SLC4A4: variants seen among roughly 807,000 people sequenced by gnomAD.
The protein encoded by SLC4A4 is electrogenic sodium bicarbonate cotransporter 1.
A neutral mutation model predicts 111.5 loss-of-function variants in SLC4A4; 27 were observed. That is an observed-to-expected ratio of 0.24 (90% CI 0.18 to 0.33). The LOEUF (loss-of-function observed/expected upper bound fraction) is 0.33, where lower values mean the gene tolerates loss of function less well. Ranked by LOEUF, SLC4A4 falls within the 10% of genes least tolerant of loss-of-function variation. SLC4A4 has a pLI of 1.00. For synonymous variants in SLC4A4, 443 were observed against 463.4 expected, an observed-to-expected ratio of 0.96 and a Z score of 0.57; for missense variants, 909 against 1,315.5, an observed-to-expected ratio of 0.69 and a Z score of 4.78.
At chr4:71,563,556 C>G (rs954175555) in intron 23 of SLC4A4, among the ~76,000 whole-genome samples, 2 of 151,680 alleles carry the variant, frequency 1.3e-5, no homozygotes, top group African/African-American at 4.8e-5. Flanking sequence ...AGATCGATCT[C>G]TATTTTGTGC....
intron 2 of SLC4A4, among the ~76,000 whole-genome samples, chr4:71,254,281 A>T (rs1031421): frequency 6.6e-6 from 1 of 152,068 alleles, no homozygotes; most frequent in Admixed American, 6.6e-5. Context: ...GAAGTTTTTC[A>T]ATTTAAAAAA....
intron 14 of SLC4A4, among the ~76,000 whole-genome samples, chr4:71,483,822 C>A (rs1729116292): frequency 6.6e-6 from 1 of 151,954 alleles, no homozygotes; most frequent in South Asian, 2.1e-4. Context: ...TCTCTACAAC[C>A]TCACCAGCAT....
At chr4:71,235,234 A>G (rs1349575103) in intron 1 of SLC4A4, among the ~76,000 whole-genome samples, 1 of 152,212 alleles carries the variant, frequency 6.6e-6, no homozygotes, top group Non-Finnish European at 1.5e-5. Flanking sequence ...GGGCTACCTG[A>G]CACCAAATTT....
At chr4:71,086,043 A>G (rs1285103280) in intron 1 of SLC4A4, among the ~76,000 whole-genome samples, 2 of 151,944 alleles carry the variant, frequency 1.3e-5, no homozygotes, top group Non-Finnish European at 2.9e-5. Flanking sequence ...TGAGCATAGA[A>G]TGTTCTTCCA....
chr4:71,411,227 C>A (rs1380505951), intron 7 of SLC4A4, among the ~76,000 whole-genome samples: 1 of 152,182 alleles, frequency 6.6e-6, no homozygotes, highest in Non-Finnish European at 1.5e-5. Flanking sequence ...ACTAACATGG[C>A]AGTCTCCCTC....
chr4:71,168,214 T>G (rs1361842201), intron 2 of SLC4A4, among the ~76,000 whole-genome samples: 1 of 146,994 alleles, frequency 6.8e-6, no homozygotes, highest in African/African-American at 2.5e-5. Flanking sequence ...TGGGGTCTCA[T>G]TCTGTTGCTC....
At chr4:71,158,651 G>T (rs1744540605) in intron 2 of SLC4A4, among the ~76,000 whole-genome samples, 1 of 152,170 alleles carries the variant, frequency 6.6e-6, no homozygotes, top group Non-Finnish European at 1.5e-5. Context: ...TTTGAGCAGG[G>T]TATTTGGTGT....
chr4:71,286,502 T>C (rs1723931711), intron 3 of SLC4A4, among the ~76,000 whole-genome samples: 1 of 152,248 alleles, frequency 6.6e-6, no homozygotes, highest in Middle Eastern at 3.2e-3. Context: ...CTTCTTGGGC[T>C]GTGTTGAAAT....
At chr4:71,131,474 G>A (rs1327652119) in intron 2 of SLC4A4, among the ~76,000 whole-genome samples, 4 of 152,098 alleles carry the variant, frequency 2.6e-5, no homozygotes, top group African/African-American at 9.7e-5. Flanking sequence ...TTTTCATCAC[G>A]ACACCTGCCA....
intron 3 of SLC4A4, among the ~76,000 whole-genome samples, chr4:71,257,609 T>G (rs777841444): frequency 1.3e-5 from 2 of 152,168 alleles, no homozygotes; most frequent in Non-Finnish European, 2.9e-5. Flanking sequence ...GTGGGAAAAC[T>G]GAATGAAATA....
chr4:71,118,373 C>A (rs1486672254), intron 2 of SLC4A4, among the ~76,000 whole-genome samples: 1 of 152,134 alleles, frequency 6.6e-6, no homozygotes, highest in African/African-American at 2.4e-5. Flanking sequence ...GATACCTTAA[C>A]CTCATATACC....
intron 2 of SLC4A4, among the ~76,000 whole-genome samples, chr4:71,160,447 C>T (rs948007215): frequency 6.6e-6 from 1 of 151,906 alleles, no homozygotes; most frequent in Non-Finnish European, 1.5e-5. Context: ...ATACATTGAG[C>T]TATTCTCATG....
intron 16 of SLC4A4, among the ~76,000 whole-genome samples, chr4:71,507,182 TAAAC>T (rs1289771139): frequency 6.6e-6 from 1 of 152,108 alleles, no homozygotes; most frequent in Non-Finnish European, 1.5e-5. Context: ...GGCGACCACA[TAAAC>T]AAGTCTGCAA....
chr4:71,172,064 A>T (rs1744958076), intron 2 of SLC4A4, among the ~76,000 whole-genome samples: 1 of 152,188 alleles, frequency 6.6e-6, no homozygotes, highest in African/African-American at 2.4e-5. Context: ...GTTCCAAGAC[A>T]TCACTACACC....
intron 5 of SLC4A4, among the ~76,000 whole-genome samples, chr4:71,352,545 T>C (rs1729935469): frequency 6.6e-6 from 1 of 152,174 alleles, no homozygotes; most frequent in African/African-American, 2.4e-5. Flanking sequence ...CTGGATTTAA[T>C]GTTGGGGAGT....
At chr4:71,383,596 G>C (rs6832937) in intron 6 of SLC4A4, among the ~76,000 whole-genome samples, 151,295 of 152,280 alleles carry the variant, frequency 0.99, 75,165 homozygotes, top group Middle Eastern at 1. Context: ...TTACTGTTTC[G>C]TAAGGATCTT....
chr4:71,105,489 G>C (rs1181549235), intron 2 of SLC4A4, among the ~76,000 whole-genome samples: 1 of 151,746 alleles, frequency 6.6e-6, no homozygotes, highest in Non-Finnish European at 1.5e-5. Context: ...AAAGAACGAA[G>C]CTGGAGGCAT....
At chr4:71,233,600 A>G (rs1335379752) in intron 1 of SLC4A4, among the ~76,000 whole-genome samples, 1 of 151,990 alleles carries the variant, frequency 6.6e-6, no homozygotes, top group Non-Finnish European at 1.5e-5. Context: ...AGCTTTATTC[A>G]TTGGTTTCCT....
rs996374489 is a variant in SLC4A4 at position 71,569,534 on chromosome 4, A to C, written c.*1783A>C. ...GTGGTATTTAAAGGTAATATTTTTA[A>C]TATGATACATTACATATTGTGAATG... On this transcript the variant is annotated 3_prime_UTR_variant, in exon 26 of 26. Transcript: ENST00000264485. 1.3e-5 allele frequency: 2 copies of C among 151,766 alleles called. No individual in the cohort carries two copies. Among genetic ancestry groups the C allele is most frequent in the African/African-American group, 4.8e-5 (2 of 41,380 alleles). The allele number at this position is 151,766 out of a possible 1,614,324, so 9.4% of individuals were successfully genotyped here.
Sources: gnomAD v4.1 joint callset for allele counts (sites outside exome capture counted in the v4.1 genomes callset) on GRCh38, gnomAD v4.1.1 for gene constraint, MANE v1.5 for transcripts, NCBI Gene and HGNC (gene_info 2026-07-23, HGNC 2026-07-21) for gene names.